Variants in ACCSL observed in about 807,000 individuals in gnomAD.
The protein encoded by ACCSL is probable inactive 1-aminocyclopropane-1-carboxylate synthase-like protein 2.
Under a neutral mutation model 61.7 loss-of-function variants are expected in ACCSL, and 55 were observed. The observed-to-expected ratio is 0.89, with a 90% confidence interval of 0.72 to 1.12. The LOEUF (loss-of-function observed/expected upper bound fraction) is 1.12. ACCSL is among the 50% of genes most tolerant of loss of function. ACCSL has a pLI of 0.00. For missense variants in ACCSL, 632 were observed against 698.0 expected (o/e 0.91, Z 1.07); for synonymous variants, 258 against 264.3 (o/e 0.98, Z 0.23).
chr11:43,980,584 C>T, the ACCSL span, among the ~76,000 whole-genome samples: 1 of 152,172 alleles, frequency 6.6e-6, no homozygotes, highest in Non-Finnish European at 1.5e-5. Context: ...TATTCATGTT[C>T]TTTGCTGCTA....
the ACCSL span, among the ~76,000 whole-genome samples, chr11:44,036,381 C>T: frequency 1.3e-5 from 2 of 152,232 alleles, no homozygotes; most frequent in East Asian, 3.8e-4. Context: ...ATTGAGGAAC[C>T]TCGCTGGGCC....
chr11:44,045,492 C>T (rs1416195720), upstream of ACCSL, among the ~76,000 whole-genome samples: 4 of 152,056 alleles, frequency 2.6e-5, no homozygotes, highest in South Asian at 2.1e-4. Context: ...ACCAGGAAAA[C>T]GCATTACTTT....
At chr11:43,961,701 TTCTC>T in the ACCSL span, among the ~76,000 whole-genome samples, 1 of 151,024 alleles carries the variant, frequency 6.6e-6, no homozygotes, top group Non-Finnish European at 1.5e-5. Flanking sequence ...TATTGTTTTG[TTCTC>T]TCTCTCTCTC....
chr11:44,000,938 C>T, the ACCSL span, among the ~76,000 whole-genome samples: 1 of 152,120 alleles, frequency 6.6e-6, no homozygotes, highest in Non-Finnish European at 1.5e-5. Flanking sequence ...GATGAGGAGG[C>T]TGAGGCACCG....
chr11:43,942,505 A>G, the ACCSL span: 5 of 229,600 alleles, frequency 2.2e-5, no homozygotes, highest in South Asian at 3.9e-5. Context: ...TTACTTTCCC[A>G]GAGCGGCGGG....
chr11:44,029,435 T>C, the ACCSL span, among the ~76,000 whole-genome samples: 1 of 152,270 alleles, frequency 6.6e-6, no homozygotes, highest in Non-Finnish European at 1.5e-5. Flanking sequence ...AGAGGCTTTC[T>C]CTGTATACCG....
chr11:43,985,126 C>G, the ACCSL span, among the ~76,000 whole-genome samples: 14 of 152,310 alleles, frequency 9.2e-5, no homozygotes, highest in South Asian at 2.7e-3. Flanking sequence ...CCTGGCTGCA[C>G]CAGTACCTGG....
At chr11:43,933,363 A>C in the ACCSL span, 3 of 343,696 alleles carry the variant, frequency 8.7e-6, no homozygotes, top group Middle Eastern at 1.1e-3. Flanking sequence ...GCCAGGCTCA[A>C]GGTAAAGTCC....
intron 11 of ACCSL, among the ~76,000 whole-genome samples, chr11:44,057,520 T>C (rs1952678776): frequency 6.6e-6 from 1 of 152,238 alleles, no homozygotes; most frequent in Non-Finnish European, 1.5e-5. Flanking sequence ...GTGTTCCATC[T>C]TCAAAGATCC....
the ACCSL span, among the ~76,000 whole-genome samples, chr11:43,959,948 G>A: frequency 6.6e-6 from 1 of 152,154 alleles, no homozygotes; most frequent in Non-Finnish European, 1.5e-5. Flanking sequence ...CAACCCACAG[G>A]AGGCTTGGGA....
the ACCSL span, among the ~76,000 whole-genome samples, chr11:44,032,376 G>GAAGCACGTCACATGGCC: frequency 2.9e-4 from 44 of 152,220 alleles, no homozygotes; most frequent in Non-Finnish European, 2.1e-4. Context: ...CTCGCTGACT[G>GAAGCACGTCACATGGCC]AAGCACGTCA....
chr11:44,040,814 A>G, the ACCSL span, among the ~76,000 whole-genome samples: 4 of 152,124 alleles, frequency 2.6e-5, no homozygotes, highest in African/African-American at 9.7e-5. Flanking sequence ...TGGCTCATGG[A>G]TCCCCAAAAG....
chr11:43,982,226 C>CTT, the ACCSL span, among the ~76,000 whole-genome samples: 929 of 86,228 alleles, frequency 0.011, 7 homozygotes, highest in Non-Finnish European at 0.014. Flanking sequence ...CCAAGGCCCT[C>CTT]TTTTTTTTTT....
At chr11:43,928,477 T>A in the ACCSL span, among the ~76,000 whole-genome samples, 1 of 152,148 alleles carries the variant, frequency 6.6e-6, no homozygotes, top group East Asian at 1.9e-4. Flanking sequence ...CTTCTTGATA[T>A]GCCTTCACCC....
At chr11:44,026,556 G>A in the ACCSL span, among the ~76,000 whole-genome samples, 1 of 152,112 alleles carries the variant, frequency 6.6e-6, no homozygotes, top group Non-Finnish European at 1.5e-5. Flanking sequence ...TTAATTGAAT[G>A]CTTTTTGTTC....
intron 1 of ACCSL, 73 bp downstream of exon 1, chr11:44,048,613 C>A: frequency 4.2e-6 from 6 of 1,427,342 alleles, no homozygotes; most frequent in Non-Finnish European, 5.7e-6. Flanking sequence ...AGTCCTGGGC[C>A]AAGTGCTATA....
Position 44,052,727 on chromosome 11 carries a change from GT to G in ACCSL, c.840del (p.Glu281SerfsTer2). On this transcript the variant is annotated frameshift_variant, in exon 6 of 14. Coordinates refer to ENST00000378832, the MANE Select transcript of ACCSL (RefSeq NM_001031854.2). LOFTEE classifies it high-confidence loss of function. ...FAFSSRLYAK[V>X]ELIPVHLESE... Reference sequence around the variant, plus strand: ...CTTTAGCTCCCGCCTGTATGCAAAGGTTGAGTTGATTCCTGTCCACCTGGAG... The same window carrying G: ...CTTTAGCTCCCGCCTGTATGCAAAGGTGAGTTGATTCCTGTCCACCTGGAG... 6.2e-7 allele frequency: 1 copy of G among 1,614,084 alleles called. No homozygotes were observed. Among genetic ancestry groups the G allele is most frequent in the Non-Finnish European group, 8.5e-7 (1 of 1,180,014 alleles).
chr11:44,025,528 C>T, the ACCSL span, among the ~76,000 whole-genome samples: 7 of 152,136 alleles, frequency 4.6e-5, 1 homozygote, highest in Admixed American at 3.9e-4. Flanking sequence ...AAGACTGTAA[C>T]AGTTTTGTAA....
chr11:44,000,695 C>G, the ACCSL span, among the ~76,000 whole-genome samples: 1 of 141,554 alleles, frequency 7.1e-6, no homozygotes, highest in Admixed American at 7.3e-5. Context: ...TGCACTCCAG[C>G]CTGTGTGATG....
Sources: gnomAD v4.1 joint callset for allele counts (sites outside exome capture counted in the v4.1 genomes callset) on GRCh38, gnomAD v4.1.1 for gene constraint, MANE v1.5 for transcripts, NCBI Gene and HGNC (gene_info 2026-07-23, HGNC 2026-07-21) for gene names.